GSG1L: variants seen among roughly 807,000 people sequenced by gnomAD.
The protein encoded by GSG1L is germ cell-specific gene 1-like protein.
GSG1L carries 24 observed loss-of-function variants against 42.1 expected under a neutral mutation model. That is an observed-to-expected ratio of 0.57 (90% CI 0.41 to 0.80). The LOEUF is 0.80. GSG1L is among the 30% of genes least tolerant of loss of function. The pLI is 0.00. For synonymous variants in GSG1L, 215 were observed against 203.5 expected, an observed-to-expected ratio of 1.06 and a Z score of -0.48; for missense variants, 445 against 472.2, an observed-to-expected ratio of 0.94 and a Z score of 0.53.
chr16:27,923,784 A>G (rs921896763), intron 2 of GSG1L, among the ~76,000 whole-genome samples: 5 of 151,800 alleles, frequency 3.3e-5, no homozygotes, highest in Admixed American at 6.6e-5. Flanking sequence ...GAGAGAGAGA[A>G]AGAAAGACAG....
At chr16:27,991,337 G>GT (rs34752184) in intron 1 of GSG1L, among the ~76,000 whole-genome samples, 56 of 151,212 alleles carry the variant, frequency 3.7e-4, no homozygotes, top group African/African-American at 1.2e-3. Context: ...TTTTGTTTTT[G>GT]TTTTTTTTTC....
chr16:28,027,201 T>G (rs1368055627), intron 1 of GSG1L, among the ~76,000 whole-genome samples: 1 of 152,224 alleles, frequency 6.6e-6, no homozygotes, highest in African/African-American at 2.4e-5. Context: ...ATATGCCATG[T>G]GCTCTGGGCA....
chr16:27,999,240 C>T (rs1211306444), intron 1 of GSG1L, among the ~76,000 whole-genome samples: 2 of 152,100 alleles, frequency 1.3e-5, no homozygotes, highest in Non-Finnish European at 2.9e-5. Context: ...GGCAGGAGTT[C>T]AAAACCAGCC....
intron 1 of GSG1L, among the ~76,000 whole-genome samples, chr16:28,042,357 A>AC (rs775346503): frequency 3.3e-4 from 49 of 149,740 alleles, no homozygotes; most frequent in Non-Finnish European, 5.5e-4. Flanking sequence ...AATTGCTTGA[A>AC]CCCGGGGGGC....
chr16:27,850,464 C>T (rs9923715), intron 3 of GSG1L: 1 of 453,852 alleles, frequency 2.2e-6, no homozygotes, highest in South Asian at 1.6e-5. Context: ...ACACAATGTG[C>T]CTAGAAGAGG....
intron 5 of GSG1L, among the ~76,000 whole-genome samples, chr16:27,807,788 G>A (rs992135944): frequency 6.6e-6 from 1 of 152,166 alleles, no homozygotes; most frequent in Non-Finnish European, 1.5e-5. Context: ...GACCAACCCA[G>A]TGTCATGCAA....
At chr16:27,844,913 G>A (rs976880495) in intron 4 of GSG1L, 37 bp downstream of exon 4, 3 of 1,360,528 alleles carry the variant, frequency 2.2e-6, no homozygotes, top group African/African-American at 1.4e-5. Flanking sequence ...TTGGGCCCTG[G>A]TGCCTGAAGC....
At chr16:27,987,967 A>AAAAAAAC (rs2085407234) in intron 1 of GSG1L, among the ~76,000 whole-genome samples, 1 of 148,086 alleles carries the variant, frequency 6.8e-6, no homozygotes. Flanking sequence ...AAAAAAAAAA[A>AAAAAAAC]CCGGAAAAGA....
chr16:27,948,609 CTTTT>C (rs202151239), intron 2 of GSG1L, among the ~76,000 whole-genome samples: 1 of 116,634 alleles, frequency 8.6e-6, no homozygotes, highest in Non-Finnish European at 1.8e-5. Context: ...TCTTCTTCTT[CTTTT>C]TTTTTTTTTT....
At chr16:27,979,692 A>AAAGAAAGAAAGAAAGAG (rs2085297750) in intron 1 of GSG1L, among the ~76,000 whole-genome samples, 1 of 40,304 alleles carries the variant, frequency 2.5e-5, no homozygotes, top group Non-Finnish European at 5.3e-5. Context: ...AGAAAGAAGG[A>AAAGAAAGAAAGAAAGAG]AGGAAGGAAG....
At chr16:28,033,148 G>T (rs755121991) in intron 1 of GSG1L, among the ~76,000 whole-genome samples, 1 of 152,084 alleles carries the variant, frequency 6.6e-6, no homozygotes, top group Non-Finnish European at 1.5e-5. Context: ...TCTGCCCACT[G>T]CATCCTACCC....
intron 1 of GSG1L, among the ~76,000 whole-genome samples, chr16:27,979,675 G>GAAAGAAAA (rs2085294865): frequency 1.3e-5 from 1 of 77,980 alleles, no homozygotes; most frequent in Non-Finnish European, 2.5e-5. Flanking sequence ...GAGAGAGAGA[G>GAAAGAAAA]AGAGAAAGAA....
chr16:27,890,769 G>C (rs1307600212), intron 2 of GSG1L, among the ~76,000 whole-genome samples: 1 of 152,186 alleles, frequency 6.6e-6, no homozygotes, highest in South Asian at 2.1e-4. Context: ...TCAGACAGGT[G>C]GGGGGCACTG....
intron 1 of GSG1L, among the ~76,000 whole-genome samples, chr16:27,984,621 T>G (rs2085360080): frequency 2.6e-5 from 4 of 152,176 alleles, no homozygotes; most frequent in Admixed American, 2.6e-4. Flanking sequence ...GGTTATAATT[T>G]TTTTTCTAGA....
intron 2 of GSG1L, among the ~76,000 whole-genome samples, chr16:27,908,049 C>T (rs1306130101): frequency 6.6e-6 from 1 of 152,206 alleles, no homozygotes; most frequent in Non-Finnish European, 1.5e-5. Context: ...TTTTAAAATA[C>T]TCTCCCACTT....
intron 1 of GSG1L, among the ~76,000 whole-genome samples, chr16:27,988,133 TTAAGTA>T (rs552980058): frequency 3.4e-4 from 52 of 152,216 alleles, no homozygotes; most frequent in African/African-American, 1.3e-3. Context: ...TTTATATACT[TTAAGTA>T]TATCTGTTAA....
chr16:27,900,032 G>C (rs993236938), intron 2 of GSG1L, among the ~76,000 whole-genome samples: 1 of 152,114 alleles, frequency 6.6e-6, no homozygotes, highest in African/African-American at 2.4e-5. Flanking sequence ...GTGGCCTGAT[G>C]GTACTCCAAC....
At chr16:27,927,997 G>A (rs1176317236) in intron 2 of GSG1L, among the ~76,000 whole-genome samples, 1 of 152,152 alleles carries the variant, frequency 6.6e-6, no homozygotes, top group Non-Finnish European at 1.5e-5. Context: ...CATTGCTTAA[G>A]TCATTCTTAG....
At chr16:28,030,735 G>A (rs1282984997) in intron 1 of GSG1L, among the ~76,000 whole-genome samples, 1 of 151,018 alleles carries the variant, frequency 6.6e-6, no homozygotes, top group African/African-American at 2.4e-5. Context: ...GGATGGGATA[G>A]GATGGGATGG....
Sources: gnomAD v4.1 joint callset for allele counts (sites outside exome capture counted in the v4.1 genomes callset) on GRCh38, gnomAD v4.1.1 for gene constraint, MANE v1.5 for transcripts, NCBI Gene and HGNC (gene_info 2026-07-23, HGNC 2026-07-21) for gene names.